Variants in FGD3 observed in about 807,000 individuals in gnomAD.
FGD3 encodes FYVE, RhoGEF and PH domain containing 3, also known as FYVE, RhoGEF and PH domain-containing protein 3.
A neutral mutation model predicts 71.8 loss-of-function variants in FGD3; 45 were observed. The ratio of observed to expected loss-of-function variants is 0.63; its 90% CI spans 0.49 to 0.80. The LOEUF (loss-of-function observed/expected upper bound fraction) is 0.80. Among genes scored for constraint, FGD3 ranks in the 30% least tolerant of loss-of-function variants. The pLI, the probability that FGD3 is intolerant of heterozygous loss-of-function variation, is 0.00. For missense variants in FGD3, 844 were observed against 951.5 expected (o/e 0.89, Z 1.49); for synonymous variants, 378 against 392.8 (o/e 0.96, Z 0.44).
intron 1 of FGD3, among the ~76,000 whole-genome samples, chr9:92,948,392 G>A (rs1450244534): frequency 1.3e-5 from 2 of 152,260 alleles, no homozygotes; most frequent in Non-Finnish European, 2.9e-5. Flanking sequence ...GACATGGGCC[G>A]AAAGAGGCCG....
At chr9:93,005,977 C>A in intron 5 of FGD3, 47 bp from the exon 6 acceptor site, 2 of 1,545,506 alleles carry the variant, frequency 1.3e-6, no homozygotes, top group South Asian at 2.5e-5. Flanking sequence ...ACCTCAGAGT[C>A]CCCATTGCAC....
intron 13 of FGD3, among the ~76,000 whole-genome samples, chr9:93,022,086 A>C (rs187093405): frequency 6.6e-6 from 1 of 152,266 alleles, no homozygotes; most frequent in Non-Finnish European, 1.5e-5. Context: ...GGGAGGCATC[A>C]CCCACCAGCC....
At chr9:92,974,751 G>A (rs1859659255) in intron 1 of FGD3, 1 of 152,418 alleles carries the variant, frequency 6.6e-6, no homozygotes, top group African/African-American at 2.4e-5. Flanking sequence ...CTAATTGTGA[G>A]TGTGAGTGCG....
At position 92,955,630 on chromosome 9, in the gene FGD3, C is replaced by T. The variant is rs140833419; in HGVS notation, c.-218+7901C>T. On this transcript the variant is annotated intron_variant, in intron 1 of 17. Transcript: ENST00000375482. Reference sequence around the variant, plus strand: ...TTCCCAGTGGTAACAGCTTGCAAAACGATATAGGACCATATCATAGCTCGG... The same window carrying T: ...TTCCCAGTGGTAACAGCTTGCAAAATGATATAGGACCATATCATAGCTCGG... Among the ~76,000 whole-genome samples the T allele has an allele frequency of 7.2e-5, 11 of 152,222 alleles. No homozygotes were observed. In the East Asian group the frequency reaches 1.3e-3, roughly 19 times the overall value.
rs749416844 is a variant in FGD3 at position 93,006,038 on chromosome 9, G to A, written c.695G>A (p.Arg232Gln). The change falls in exon 6 of 18, where the codon CGG becomes CAG. Residue 232 changes from arginine (R) to glutamine (Q), a missense_variant. By Grantham distance (43) the Arg-to-Gln change is conservative (BLOSUM62 1). Transcript: ENST00000375482. ...RITEEWDTNP[R>Q]LGDILQKLAP... ...TCTCCACGAAGGGACACAAACCCAC[G>A]GCTCGGGGACATCCTGCAGAAGCTG... 19 of 1,605,300 alleles carry A rather than the reference G, an allele frequency of 1.2e-5. No homozygotes were observed. In the South Asian group the frequency reaches 1.8e-4, roughly 15 times the overall value.
intron 1 of FGD3, among the ~76,000 whole-genome samples, chr9:92,970,245 G>C (rs998152933): frequency 7.2e-5 from 11 of 152,212 alleles, no homozygotes; most frequent in East Asian, 3.8e-4. Context: ...ATGTGAGAAA[G>C]GGCTCAGCAC....
rs1330879124 is a variant in FGD3, at chr9:93,026,445, G to A, written c.1558-3429G>A. Among the ~76,000 whole-genome samples, 8 of 152,186 alleles carry A rather than the reference G, an allele frequency of 5.3e-5. No homozygotes were observed. The East Asian group carries it at 7.7e-4, about 15-fold the overall frequency. On this transcript the variant is annotated intron_variant, in intron 14 of 17. Coordinates refer to ENST00000375482, the MANE Select transcript of FGD3 (RefSeq NM_001083536.2). ...GGGCCTCTTGCCTCTCAGCTACTGC[G>A]TCATGCCTACAAATTCAGCCACACC...
At chr9:92,966,350 C>T (rs909767459) in intron 1 of FGD3, among the ~76,000 whole-genome samples, 1 of 152,222 alleles carries the variant, frequency 6.6e-6, no homozygotes, top group African/African-American at 2.4e-5. Context: ...CGTCCCCACA[C>T]GTGAGCTTCC....
Position 93,006,174 on chromosome 9 carries a change from C to T in FGD3, c.831C>T (p.Ser277=), listed in dbSNP as rs1227475033. The T allele has an allele frequency of 1.9e-6, 3 of 1,578,096 alleles. No individual in the cohort carries two copies. The highest frequency in any genetic ancestry group is 1.7e-6 in the Non-Finnish European group (2 of 1,159,438). Residue 277 remains serine (S), a synonymous_variant, in exon 6 of 18, where the codon AGC becomes AGT. Transcript: ENST00000375482. The part of the protein sequence containing the change: ...RSPLFKDVVH[S]IQKQEVCGNL... Reference sequence around the variant, plus strand: ...CACTGTTTAAAGACGTCGTCCACAGCATCCAGGTAAGGCCGGCAGTGGGAG... The same window carrying T: ...CACTGTTTAAAGACGTCGTCCACAGTATCCAGGTAAGGCCGGCAGTGGGAG...
At chr9:92,987,435 AAAAAAAAAAAGAAAGAAAG>A (rs1252910820) in intron 3 of FGD3, among the ~76,000 whole-genome samples, 7 of 151,408 alleles carry the variant, frequency 4.6e-5, no homozygotes, top group African/African-American at 1.7e-4. Context: ...CTGTCTCAAA[AAAAAAAAAAAGAAAGAAAG>A]AAAAAAAAGA....
intron 6 of FGD3, 21 bp downstream of exon 6, chr9:93,006,201 G>A: frequency 6.5e-7 from 1 of 1,532,274 alleles, no homozygotes; most frequent in Non-Finnish European, 8.8e-7. Context: ...CAGTGGGAGT[G>A]TGGACACAGA....
At chr9:92,952,427 C>T (rs141547827) in intron 1 of FGD3, among the ~76,000 whole-genome samples, 1 of 151,768 alleles carries the variant, frequency 6.6e-6, no homozygotes, top group South Asian at 2.1e-4. Flanking sequence ...TTAGTAGAGA[C>T]GGGGTTTCAC....
At chr9:93,020,580 A>C (rs1457917834) in intron 13 of FGD3, 156 bp downstream of exon 13, 7 of 627,866 alleles carry the variant, frequency 1.1e-5, no homozygotes, top group African/African-American at 1.1e-4. Context: ...TGTTAAAATA[A>C]AAACTTAAGA....
chr9:92,980,220 C>A (rs533073822), intron 3 of FGD3, among the ~76,000 whole-genome samples: 2 of 152,082 alleles, frequency 1.3e-5, no homozygotes, highest in Non-Finnish European at 2.9e-5. Context: ...GAAGTTTCAC[C>A]GTTTTGGCCA....
chr9:93,020,114 C>T (rs1363114380), intron 12 of FGD3, among the ~76,000 whole-genome samples: 1 of 152,198 alleles, frequency 6.6e-6, no homozygotes, highest in Non-Finnish European at 1.5e-5. Flanking sequence ...CCAGGTTCCC[C>T]GCTCAGGGTG....
Position 93,020,356 on chromosome 9 carries a change from G to A in FGD3, c.1426G>A (p.Glu476Lys), listed in dbSNP as rs749584174. The change falls in exon 13 of 18, where the codon GAA becomes AAA. Residue 476 changes from glutamate to lysine, a missense_variant. By Grantham distance (56) the Glu-to-Lys change is moderately conservative. Coordinates refer to ENST00000375482, the MANE Select transcript of FGD3 (RefSeq NM_001083536.2). The stretch of plus-strand genomic sequence containing the variant: ...CATCGAGAAGCACAAACAGAACAGC[G>A]AAACCTTCAAGGCTTTTGGTGGCGC... Reference protein sequence around the residue: ...ATIEKHKQNSETFKAFGGAFS... With the variant: ...ATIEKHKQNSKTFKAFGGAFS... The A allele has an allele frequency of 8.1e-6, 13 of 1,613,686 alleles. No individual in the cohort carries two copies. The highest frequency in any genetic ancestry group is 4.5e-5 in the East Asian group (2 of 44,882).
At chr9:92,965,299 A>G (rs1859278704) in intron 1 of FGD3, among the ~76,000 whole-genome samples, 1 of 152,158 alleles carries the variant, frequency 6.6e-6, no homozygotes, top group Non-Finnish European at 1.5e-5. Context: ...GCTTGCCAAC[A>G]CCCAGGGCGG....
chr9:92,968,607 C>CTT (rs55908030), intron 1 of FGD3, among the ~76,000 whole-genome samples: 77,565 of 142,700 alleles, frequency 0.54, 21,381 homozygotes, highest in Middle Eastern at 0.61. Context: ...TTCTTTCTTT[C>CTT]TTTTTTTTTT....
intron 10 of FGD3, among the ~76,000 whole-genome samples, chr9:93,016,804 A>G (rs912364519): frequency 2.7e-5 from 4 of 149,472 alleles, no homozygotes; most frequent in African/African-American, 7.4e-5. Flanking sequence ...TTGTATTTTT[A>G]GTAGAGACGG....
Sources: gnomAD v4.1 joint callset for allele counts (sites outside exome capture counted in the v4.1 genomes callset) on GRCh38, gnomAD v4.1.1 for gene constraint, MANE v1.5 for transcripts, NCBI Gene and HGNC (gene_info 2026-07-23, HGNC 2026-07-21) for gene names.